CHKB: variants seen among roughly 807,000 people sequenced by gnomAD.
CHKB encodes choline/ethanolamine kinase.
A neutral mutation model predicts 57.3 loss-of-function variants in CHKB; 45 were observed. That is an observed-to-expected ratio of 0.79 (90% CI 0.62 to 1.01). CHKB has a LOEUF of 1.01. Ranked by LOEUF, CHKB falls within the 50% of genes least tolerant of loss-of-function variation. The pLI, the probability that CHKB is intolerant of heterozygous loss-of-function variation, is 0.00. For synonymous variants in CHKB, 224 were observed against 201.8 expected, an observed-to-expected ratio of 1.11 and a Z score of -0.93; for missense variants, 517 against 502.8, an observed-to-expected ratio of 1.03 and a Z score of -0.27.
chr22:50,581,986 GC>G, intron 2 of CHKB, 124 bp from the exon 3 acceptor site: 1 of 900,382 alleles, frequency 1.1e-6, no homozygotes, highest in Non-Finnish European at 1.8e-6. Flanking sequence ...TGGAGCACAG[GC>G]TTTAGCGTTG....
intron 1 of CHKB, 83 bp from the exon 2 acceptor site, chr22:50,582,440 C>A (rs548235784): frequency 2.1e-6 from 3 of 1,453,670 alleles, no homozygotes; most frequent in African/African-American, 3.0e-5. Context: ...AGGCCGGCCC[C>A]GCCCCGCCCC....
chr22:50,581,973 C>T (rs1189530160), intron 2 of CHKB, 111 bp from the exon 3 acceptor site: 5 of 955,930 alleles, frequency 5.2e-6, no homozygotes, highest in African/African-American at 4.8e-5. Context: ...TGCCTGGAGG[C>T]TCTGGAGCAC....
rs771443755 is a variant in CHKB, at chr22:50,580,435, A to G, written c.678-19T>C. On this transcript the variant is annotated intron_variant, in intron 5 of 10. Coordinates refer to ENST00000406938, the MANE Select transcript of CHKB (RefSeq NM_005198.5). ...TAACTTCCTACAGGGGTATGGGAGC[A>G]TGGGTCCTGAGCAGGAGTGACTAGA... 1 of 1,613,780 alleles carries G rather than the reference A, an allele frequency of 6.2e-7. No homozygotes were observed. Among genetic ancestry groups the G allele is most frequent in the African/African-American group, 1.3e-5 (1 of 74,896 alleles).
chr22:50,579,898 C>T lies in CHKB; in HGVS notation c.928-68G>A, dbSNP rs548666534. 2.1e-5 allele frequency: 33 copies of T among 1,594,616 alleles called. No individual in the cohort carries two copies. In the Middle Eastern group the frequency reaches 5.0e-4, roughly 24 times the overall value. ...AGTATTTCCCAGGTAACATCCTTTC[C>T]GGCCATTCCTTCCAGACTCCACCTC... On this transcript the variant is annotated intron_variant, in intron 8 of 10. Transcript: ENST00000406938.
rs1289106315 is a variant in CHKB at position 50,582,682 on chromosome 22, T to C, written c.100A>G (p.Lys34Glu). The change falls in exon 1 of 11, where the codon AAA (lysine) becomes GAA (glutamate). Residue 34 changes from lysine to glutamate, a missense_variant. Transcript: ENST00000406938. ...QQSKCPDTTP[K>E]RRRASSLSRD... ...GACAGCGACGAGGCGCGCCGCCGTT[T>C]TGGGGTAGTGTCCGGGCACTTAGAC... 6.2e-7 allele frequency: 1 copy of C among 1,610,426 alleles called. No homozygotes were observed. The highest frequency in any genetic ancestry group is 1.1e-5 in the South Asian group (1 of 90,914).
At position 50,581,753 on chromosome 22, in the gene CHKB, A is replaced by G. The variant is rs1017133958; in HGVS notation, c.443T>C (p.Ile148Thr). 2 of 1,605,970 alleles carry G rather than the reference A, an allele frequency of 1.2e-6. No homozygotes were observed. The highest frequency in any genetic ancestry group is 1.7e-6 in the Non-Finnish European group (2 of 1,175,438). Reference sequence around the variant, plus strand: ...AGGGTAGGACTGGGCCCGTACTGGGATGTACTGTTCCAGCCGGCCCTCTGG... The same window carrying G: ...AGGGTAGGACTGGGCCCGTACTGGGGTGTACTGTTCCAGCCGGCCCTCTGG... ...VFPEGRLEQYIPSRPLKTQEL... is the reference protein window; with the variant it reads ...VFPEGRLEQYTPSRPLKTQEL... The change falls in exon 3 of 11, where the codon ATC becomes ACC. Residue 148 changes from isoleucine to threonine, a missense_variant. By Grantham distance (89) the Ile-to-Thr change is moderately conservative. Transcript: ENST00000406938.
At chr22:50,579,685 T>G (rs1475316696) in intron 9 of CHKB, 42 bp downstream of exon 9, 1 of 1,565,106 alleles carries the variant, frequency 6.4e-7, no homozygotes, top group Non-Finnish European at 8.8e-7. Context: ...AATCCCTCTT[T>G]CCTCTGCTCT....
intron 10 of CHKB, 65 bp from the exon 11 acceptor site, chr22:50,579,320 T>G: frequency 6.3e-7 from 1 of 1,589,856 alleles, no homozygotes; most frequent in Non-Finnish European, 8.6e-7. Context: ...TACATCCACC[T>G]CAGGCTGCCC....
At chr22:50,582,186 C>A in intron 2 of CHKB, 63 bp downstream of exon 2, 1 of 1,410,466 alleles carries the variant, frequency 7.1e-7, no homozygotes, top group Non-Finnish European at 9.8e-7. Flanking sequence ...AACAATACTA[C>A]CCGCATCGCG....
chr22:50,582,496 G>A (rs1446842098), intron 1 of CHKB, 62 bp downstream of exon 1: 2 of 1,527,070 alleles, frequency 1.3e-6, no homozygotes, highest in Non-Finnish European at 8.8e-7. Context: ...CATCCTGAGG[G>A]CCCCGCGGCT....
At chr22:50,580,109 C>G in intron 7 of CHKB, 27 bp from the exon 8 acceptor site, 1 of 1,612,902 alleles carries the variant, frequency 6.2e-7, no homozygotes, top group Non-Finnish European at 8.5e-7. Context: ...GACATTCAGT[C>G]CCCAAATGCC....
chr22:50,582,271 C>G lies in CHKB; in HGVS notation c.311G>C (p.Arg104Pro). Residue 104 changes from arginine (R) to proline (P), a missense_variant, in exon 2 of 11, where the codon CGG becomes CCG. Arg to Pro is a moderately radical substitution (Grantham distance 103). Transcript: ENST00000406938. ...VGEEPREVLL[R>P]LYGAILQGVD... ...CACCTGCAAGATGGCTCCGTACAGC[C>G]GCAGAAGCACCTCCCGGGGCTCCTC... The G allele has an allele frequency of 6.3e-7, 1 of 1,593,204 alleles. No homozygotes were observed.
At position 50,579,259 on chromosome 22, in the gene CHKB, G is replaced by T. The variant is rs767871830; in HGVS notation, c.1114-4C>A. On this transcript the variant is annotated splice_polypyrimidine_tract_variant and splice_region_variant and intron_variant, in intron 10 of 10. Coordinates refer to ENST00000406938, the MANE Select transcript of CHKB (RefSeq NM_005198.5). ...GGAACCGAGACTGGGCATAGTCCTA[G>T]GGAAGGAAACCCACCCCACACAGTG... 6.2e-7 allele frequency: 1 copy of T among 1,613,502 alleles called. No homozygotes were observed. Among genetic ancestry groups the T allele is most frequent in the Admixed American group, 1.7e-5 (1 of 59,948 alleles).
In CHKB at chr22:50,580,206, T is replaced by C. The variant is rs1444200230; in HGVS notation, c.802A>G (p.Ser268Gly). 6.2e-7 allele frequency: 1 copy of C among 1,613,908 alleles called. No individual in the cohort carries two copies. The highest frequency in any genetic ancestry group is 2.2e-5 in the East Asian group (1 of 44,880). Residue 268 changes from serine to glycine, a missense_variant, in exon 7 of 11, where the codon AGC becomes GGC. Transcript: ENST00000406938. ...CAGCCTCACCTATAGTTATAACTGC[T>C]GTACTCGAAGTCCACCAGCATGAGG... Reference protein sequence around the residue: ...DSLMLVDFEYSSYNYRGFDIG... With the variant: ...DSLMLVDFEYGSYNYRGFDIG...
At position 50,579,413 on chromosome 22, in the gene CHKB, C is replaced by G; in HGVS notation, c.1113+13G>C. ...GCCCCCCAGCTAGCATTCCCATCCC[C>G]AGGGTCACTTACCAAGTAACCAAAT... On this transcript the variant is annotated intron_variant, in intron 10 of 10. Coordinates refer to ENST00000406938, the MANE Select transcript of CHKB (RefSeq NM_005198.5). The G allele has an allele frequency of 1.9e-6, 3 of 1,611,158 alleles. No individual in the cohort carries two copies. In the South Asian group the frequency reaches 3.3e-5, roughly 18 times the overall value.
chr22:50,579,408 A>G lies in CHKB; in HGVS notation c.1113+18T>C. On this transcript the variant is annotated intron_variant, in intron 10 of 10. Transcript: ENST00000406938. ...CCCCAGCCCCCCAGCTAGCATTCCC[A>G]TCCCCAGGGTCACTTACCAAGTAAC... 1 of 1,610,182 alleles carries G rather than the reference A, an allele frequency of 6.2e-7. No individual in the cohort carries two copies. Among genetic ancestry groups the G allele is most frequent in the African/African-American group, 1.3e-5 (1 of 74,874 alleles).
rs140867913 is a variant in CHKB, at chr22:50,582,307, G to A, written c.275C>T (p.Pro92Leu). 162 of 1,591,840 alleles carry A rather than the reference G, an allele frequency of 1.0e-4. No individual in the cohort carries two copies. The highest frequency in any genetic ancestry group is 6.3e-4 in the Admixed American group (36 of 57,146). Residue 92 changes from proline to leucine, a missense_variant, in exon 2 of 11, where the codon CCC becomes CTC. Physicochemically the swap from Pro to Leu is moderately conservative, Grantham distance 98 (BLOSUM62 -3). Coordinates refer to ENST00000406938, the MANE Select transcript of CHKB (RefSeq NM_005198.5). ...CTCCCGGGGCTCCTCGCCAACGCTG[G>A]GCAGGTGGTCCGGGAGCGAGCAGCG... Reference protein sequence around the residue: ...LFRCSLPDHLPSVGEEPREVL... With the variant: ...LFRCSLPDHLLSVGEEPREVL...
At chr22:50,579,305 C>CA (rs761178841) in intron 10 of CHKB, 50 bp from the exon 11 acceptor site, 60 of 1,599,082 alleles carry the variant, frequency 3.8e-5, no homozygotes, top group Non-Finnish European at 5.0e-5. Flanking sequence ...GTGGGACCAG[C>CA]ATTCTACATC....
At chr22:50,582,499 C>T in intron 1 of CHKB, 59 bp downstream of exon 1, 2 of 1,538,940 alleles carry the variant, frequency 1.3e-6, no homozygotes, top group South Asian at 1.2e-5. Context: ...CCTGAGGGCC[C>T]CGCGGCTGAC....
Sources: allele counts gnomAD v4.1 joint callset, GRCh38; gene constraint gnomAD v4.1.1; transcripts MANE v1.5; gene names NCBI Gene and HGNC (gene_info 2026-07-23, HGNC 2026-07-21).